Variants in FBXW7 observed in about 807,000 individuals in gnomAD.
The protein encoded by FBXW7 is F-box and WD repeat domain containing 7.
FBXW7 carries 11 observed loss-of-function variants against 86.3 expected under a neutral mutation model. That is an observed-to-expected ratio of 0.13 (90% CI 0.08 to 0.21). The LOEUF is 0.21. Among genes scored for constraint, FBXW7 ranks in the 10% least tolerant of loss-of-function variants. The probability of loss-of-function intolerance (pLI) is 1.00; values close to 1 mark genes in which losing one functional copy is unlikely to be tolerated. For missense variants in FBXW7, 488 were observed against 847.4 expected, an observed-to-expected ratio of 0.58 and a Z score of 5.27; for synonymous variants, 313 against 297.9, an observed-to-expected ratio of 1.05 and a Z score of -0.52.
intron 2 of FBXW7, among the ~76,000 whole-genome samples, chr4:152,447,361 T>C (rs954350039): frequency 6.6e-6 from 1 of 152,196 alleles, no homozygotes; most frequent in African/African-American, 2.4e-5. Context: ...TAAAACACTT[T>C]ACATGAGGTA....
chr4:152,373,246 C>T (rs148795804), intron 4 of FBXW7, among the ~76,000 whole-genome samples: 14 of 152,098 alleles, frequency 9.2e-5, no homozygotes, highest in Non-Finnish European at 1.3e-4. Flanking sequence ...TACAATACAA[C>T]GTACTTCACA....
intron 2 of FBXW7, among the ~76,000 whole-genome samples, chr4:152,466,985 G>C (rs1181986486): frequency 6.6e-6 from 1 of 152,102 alleles, no homozygotes; most frequent in Non-Finnish European, 1.5e-5. Flanking sequence ...AAATCAGTGA[G>C]ATTATCAAAA....
chr4:152,392,651 G>A (rs559221906), intron 4 of FBXW7, among the ~76,000 whole-genome samples: 435 of 152,210 alleles, frequency 2.9e-3, no homozygotes, highest in African/African-American at 1.0e-2. Context: ...ACAAAGCTTT[G>A]ACGGTGATTG....
chr4:152,462,971 G>C (rs1743089193), intron 2 of FBXW7, among the ~76,000 whole-genome samples: 1 of 146,192 alleles, frequency 6.8e-6, no homozygotes, highest in Non-Finnish European at 1.5e-5. Context: ...TTTCTTGTCT[G>C]GTATATTACT....
At chr4:152,423,804 T>C (rs1053948963) in intron 2 of FBXW7, among the ~76,000 whole-genome samples, 1 of 152,152 alleles carries the variant, frequency 6.6e-6, no homozygotes, top group Non-Finnish European at 1.5e-5. Flanking sequence ...AAAGTCACTA[T>C]GGTGGTTATG....
chr4:152,465,756 A>T (rs566869329), intron 2 of FBXW7, among the ~76,000 whole-genome samples: 14 of 151,996 alleles, frequency 9.2e-5, no homozygotes, highest in Non-Finnish European at 1.6e-4. Flanking sequence ...ACACAGGAGA[A>T]TCGCTTGAAC....
At position 152,466,899 on chromosome 4, in the gene FBXW7, G is replaced by A. The variant is rs370189085; in HGVS notation, c.-119-54370C>T. ...AGAGCTGGCAGTGAGCTGAGATCGCGCCACTGCACTCTGGCCTGAGCGAAA... is the reference window on the plus strand; with the variant it reads ...AGAGCTGGCAGTGAGCTGAGATCGCACCACTGCACTCTGGCCTGAGCGAAA... On this transcript the variant is annotated intron_variant, in intron 2 of 13. Transcript: ENST00000281708. Among the ~76,000 whole-genome samples the A allele has an allele frequency of 1.5e-3, 226 of 152,250 alleles. 1 individual carries two copies. The highest frequency in any genetic ancestry group is 5.0e-3 in the African/African-American group (206 of 41,540).
At chr4:152,349,771 G>A (rs1731624746) in intron 5 of FBXW7, among the ~76,000 whole-genome samples, 1 of 151,708 alleles carries the variant, frequency 6.6e-6, no homozygotes, top group African/African-American at 2.4e-5. Context: ...TTACTTTTTA[G>A]AATTCCTTAA....
chr4:152,392,808 T>C (rs1271385800), intron 4 of FBXW7, among the ~76,000 whole-genome samples: 2 of 152,140 alleles, frequency 1.3e-5, no homozygotes, highest in Non-Finnish European at 2.9e-5. Flanking sequence ...TAAGTGATCA[T>C]CTTGAGGATG....
intron 2 of FBXW7, among the ~76,000 whole-genome samples, chr4:152,528,524 A>C (rs1749733012): frequency 6.6e-6 from 1 of 152,228 alleles, no homozygotes; most frequent in African/African-American, 2.4e-5. Context: ...CCTCAGAAAA[A>C]TTTAGTTAAA....
At position 152,332,645 on chromosome 4, in the gene FBXW7, T is replaced by C. The variant is rs1039534227; in HGVS notation, c.936A>G (p.Arg312=). ...LQAAQTCRYW[R]ILAEDNLLWR... Reference sequence around the variant, plus strand: ...AGAGAAGGTTGTCTTCAGCCAAAATTCTCCAGTAGCGACATGTCTGAGCTG... The same window carrying C: ...AGAGAAGGTTGTCTTCAGCCAAAATCCTCCAGTAGCGACATGTCTGAGCTG... The change falls in exon 8 of 14, where the codon AGA becomes AGG. Residue 312 remains arginine (R), a synonymous_variant. Transcript: ENST00000281708. 1 of 1,607,402 alleles carries C rather than the reference T, an allele frequency of 6.2e-7. No individual in the cohort carries two copies. The highest frequency in any genetic ancestry group is 8.5e-7 in the Non-Finnish European group (1 of 1,175,706).
chr4:152,422,481 C>CA (rs1553975461), intron 2 of FBXW7, among the ~76,000 whole-genome samples: 3 of 152,138 alleles, frequency 2.0e-5, no homozygotes, highest in African/African-American at 7.2e-5. Context: ...TTTGAGATGA[C>CA]ACTATGACAA....
At chr4:152,501,890 C>T (rs1447286686) in intron 2 of FBXW7, among the ~76,000 whole-genome samples, 1 of 152,104 alleles carries the variant, frequency 6.6e-6, no homozygotes, top group East Asian at 1.9e-4. Flanking sequence ...TATCCAAATG[C>T]TTTTCTGATT....
chr4:152,524,530 A>T (rs926556583), intron 2 of FBXW7, among the ~76,000 whole-genome samples: 3 of 152,218 alleles, frequency 2.0e-5, no homozygotes, highest in African/African-American at 4.8e-5. Flanking sequence ...TATGAATAAA[A>T]ACCAATAATC....
intron 2 of FBXW7, among the ~76,000 whole-genome samples, chr4:152,465,054 C>T (rs543699018): frequency 3.9e-5 from 6 of 152,198 alleles, no homozygotes; most frequent in Middle Eastern, 3.4e-3. Flanking sequence ...TAACCAGAAC[C>T]AGTATCTCCA....
intron 2 of FBXW7, among the ~76,000 whole-genome samples, chr4:152,471,335 A>T (rs186176502): frequency 2.0e-5 from 3 of 151,684 alleles, no homozygotes; most frequent in Non-Finnish European, 2.9e-5. Flanking sequence ...TTACAAACAA[A>T]CAATTTCATT....
In FBXW7 at chr4:152,346,948, T is replaced by C. The variant is rs2126634412; in HGVS notation, c.708A>G (p.Glu236=). The C allele has an allele frequency of 6.2e-7, 1 of 1,613,736 alleles. No homozygotes were observed. The change falls in exon 6 of 14, where the codon GAA becomes GAG. Residue 236 remains glutamate, a synonymous_variant. Transcript: ENST00000281708. ...ATGTCACCTGAAACATTTTTAGCCA[T>C]TCCTGGAGGCCTGTAGGTGGCTGGA... is the stretch of plus-strand genomic sequence containing the variant. The part of the protein sequence containing the change: ...TSVQPPTGLQ[E]WLKMFQSWSG...
chr4:152,336,316 T>C (rs1197148800), intron 7 of FBXW7, among the ~76,000 whole-genome samples: 1 of 152,136 alleles, frequency 6.6e-6, no homozygotes, highest in East Asian at 1.9e-4. Context: ...TTTTAATTCT[T>C]AGATTTTTCA....
chr4:152,498,008 G>A (rs1467417695), intron 2 of FBXW7, among the ~76,000 whole-genome samples: 2 of 152,120 alleles, frequency 1.3e-5, no homozygotes, highest in East Asian at 1.9e-4. Flanking sequence ...GGAAATAATC[G>A]TAAGGACTTT....
Sources: gnomAD v4.1 joint callset for allele counts (sites outside exome capture counted in the v4.1 genomes callset) on GRCh38, gnomAD v4.1.1 for gene constraint, MANE v1.5 for transcripts, NCBI Gene and HGNC (gene_info 2026-07-23, HGNC 2026-07-21) for gene names.